The following IPPK variants were observed in gnomAD, a reference collection of about 807,000 sequenced individuals.
IPPK encodes IPK1 homolog.
A neutral mutation model predicts 64.6 loss-of-function variants in IPPK; 22 were observed. The observed-to-expected ratio is 0.34, with a 90% CI of 0.24 to 0.49. The LOEUF is 0.49. IPPK is among the 20% of genes least tolerant of loss of function. The probability of loss-of-function intolerance (pLI) is 0.99; values close to 1 mark genes in which losing one functional copy is unlikely to be tolerated. For synonymous variants in IPPK, 262 were observed against 247.2 expected, an observed-to-expected ratio of 1.06 and a Z score of -0.56; for missense variants, 532 against 630.7, an observed-to-expected ratio of 0.84 and a Z score of 1.68.
Position 92,635,019 on chromosome 9 carries a change from G to A in IPPK, c.1067+139C>T, listed in dbSNP as rs1851912595. On this transcript the variant is annotated intron_variant, in intron 10 of 12. Coordinates refer to ENST00000287996, the MANE Select transcript of IPPK (RefSeq NM_022755.6). This position sits in a 1 kb window ranked among gnomAD's most constrained non-coding sequence, Gnocchi z 4.4. ...ATTCCAGAGCAGGCCTGGGCACCTGGGAGCGGAGGACTGGGGTAGGAAGTG... is the reference window on the plus strand; with the variant it reads ...ATTCCAGAGCAGGCCTGGGCACCTGAGAGCGGAGGACTGGGGTAGGAAGTG... 1.4e-6 allele frequency: 1 copy of A among 740,454 alleles called. No individual in the cohort carries two copies. The highest frequency in any genetic ancestry group is 2.2e-6 in the Non-Finnish European group (1 of 461,830). 45.9% of individuals were successfully genotyped at this position (740,454 alleles called of 1,614,324 possible).
intron 6 of IPPK, among the ~76,000 whole-genome samples, chr9:92,643,720 A>G (rs1852096268): frequency 6.6e-6 from 1 of 152,260 alleles, no homozygotes; most frequent in South Asian, 2.1e-4. Flanking sequence ...CAAAGTACAT[A>G]TGGCATGATC....
At chr9:92,658,312 C>T (rs376638778) in intron 2 of IPPK, among the ~76,000 whole-genome samples, 24 of 152,326 alleles carry the variant, frequency 1.6e-4, no homozygotes, top group African/African-American at 5.8e-4. Flanking sequence ...ACTGAGGCAG[C>T]AGGTGCTATG....
chr9:92,661,771 T>C (rs982305562), intron 1 of IPPK, among the ~76,000 whole-genome samples: 1 of 152,200 alleles, frequency 6.6e-6, no homozygotes, highest in Non-Finnish European at 1.5e-5. Context: ...TTTTCATCAA[T>C]ACCAAAACTC....
At chr9:92,622,181 T>C (rs1243750496) in intron 11 of IPPK, among the ~76,000 whole-genome samples, 1 of 152,194 alleles carries the variant, frequency 6.6e-6, no homozygotes, top group Non-Finnish European at 1.5e-5. Context: ...AACAAACTTC[T>C]TTAATCTGAT....
chr9:92,643,886 T>A (rs748040305), intron 6 of IPPK, among the ~76,000 whole-genome samples: 2 of 152,242 alleles, frequency 1.3e-5, no homozygotes, highest in African/African-American at 2.4e-5. Context: ...TCTGACAATA[T>A]GAGTTACCTG....
intron 9 of IPPK, among the ~76,000 whole-genome samples, chr9:92,636,019 G>A (rs1251170711): frequency 2.0e-5 from 3 of 152,112 alleles, no homozygotes; most frequent in African/African-American, 7.2e-5. Flanking sequence ...AGGGACAGAG[G>A]CAGAAACAAA....
In IPPK at chr9:92,619,474, T is replaced by C; in HGVS notation, c.1250+12A>G. ...TAGACCCAGGCTGCATGCCTTGCAG[T>C]GGGGGCCTCACCTGGCATCCTGCAG... is the stretch of plus-strand genomic sequence containing the variant. On this transcript the variant is annotated intron_variant, in intron 12 of 12. Coordinates refer to ENST00000287996, the MANE Select transcript of IPPK (RefSeq NM_022755.6). 6.3e-7 allele frequency: 1 copy of C among 1,576,034 alleles called. No homozygotes were observed. The highest frequency in any genetic ancestry group is 8.6e-7 in the Non-Finnish European group (1 of 1,159,922).
chr9:92,618,334 C>A (rs1174219721), intron 12 of IPPK: 1 of 456,778 alleles, frequency 2.2e-6, no homozygotes. Context: ...TGCTGAGCAG[C>A]TGGTCGTAAG....
intron 11 of IPPK, among the ~76,000 whole-genome samples, chr9:92,632,626 G>A (rs538924311): frequency 1.3e-5 from 2 of 152,328 alleles, no homozygotes; most frequent in East Asian, 3.9e-4. Flanking sequence ...CAGACAGCAC[G>A]AGGCAGGTGC....
At chr9:92,620,664 A>G (rs1851601769) in intron 11 of IPPK, 1 of 152,266 alleles carries the variant, frequency 6.6e-6, no homozygotes, top group African/African-American at 2.4e-5. Context: ...TCCAAGCTGC[A>G]CTTTCCAAAG....
chr9:92,619,364 G>A (rs1425704395), intron 12 of IPPK, 122 bp downstream of exon 12: 4 of 767,202 alleles, frequency 5.2e-6, no homozygotes, highest in South Asian at 4.8e-5. Flanking sequence ...GGCCAAGGAA[G>A]TTATGTCACT....
At chr9:92,618,176 C>T (rs1461815268) in intron 12 of IPPK, 1 of 454,112 alleles carries the variant, frequency 2.2e-6, no homozygotes, top group East Asian at 7.0e-5. Context: ...GAGGAGAAGC[C>T]TTCTCTGAGA....
At chr9:92,646,784 C>A (rs1304093091) in intron 6 of IPPK, among the ~76,000 whole-genome samples, 1 of 152,046 alleles carries the variant, frequency 6.6e-6, no homozygotes, top group African/African-American at 2.4e-5. Flanking sequence ...GGTGAAACCC[C>A]GTCTCTACTA....
At chr9:92,645,081 T>C (rs1258504306) in intron 6 of IPPK, among the ~76,000 whole-genome samples, 3 of 152,070 alleles carry the variant, frequency 2.0e-5, no homozygotes, top group East Asian at 3.9e-4. Flanking sequence ...GAGGTAGAAA[T>C]TATAAAAAGG....
At chr9:92,640,063 C>T (rs1852016316) in intron 8 of IPPK, among the ~76,000 whole-genome samples, 1 of 152,234 alleles carries the variant, frequency 6.6e-6, no homozygotes, top group Non-Finnish European at 1.5e-5. Context: ...CTGAAGTATC[C>T]ACCTGCGATG....
intron 1 of IPPK, among the ~76,000 whole-genome samples, chr9:92,663,362 G>A (rs1267581929): frequency 2.0e-5 from 3 of 152,230 alleles, no homozygotes; most frequent in Non-Finnish European, 4.4e-5. Flanking sequence ...GCCTGGGCAT[G>A]GGGCAGGCTC....
chr9:92,616,630 T>TTTATC (rs974392640), intron 12 of IPPK: 2 of 152,850 alleles, frequency 1.3e-5, no homozygotes, highest in Non-Finnish European at 2.9e-5. Context: ...ATTCTCAAAT[T>TTTATC]TTATCTTCAG....
intron 4 of IPPK, among the ~76,000 whole-genome samples, chr9:92,650,997 G>A (rs1274091799): frequency 1.3e-5 from 2 of 152,020 alleles, no homozygotes; most frequent in African/African-American, 2.4e-5. Flanking sequence ...AACCTCCCAC[G>A]GTTGTTATGA....
rs144458816 is a variant in IPPK at position 92,638,239 on chromosome 9, G to A, written c.678C>T (p.Pro226=). 15 of 1,614,148 alleles carry A rather than the reference G, an allele frequency of 9.3e-6. No individual in the cohort carries two copies. The highest frequency in any genetic ancestry group is 8.9e-5 in the East Asian group (4 of 44,882). ...LIYGCKDARS[P]VADWSELAHH... ...GTGCAAGCTCGCTCCAGTCAGCCAC[G>A]GGGCTCCGGGCATCTTTGCAGCCGT... The change falls in exon 9 of 13, where the codon CCC becomes CCT. Residue 226 remains proline, a synonymous_variant. Transcript: ENST00000287996.
Sources: allele counts gnomAD v4.1 joint callset (sites outside exome capture counted in the v4.1 genomes callset), GRCh38; gene constraint gnomAD v4.1.1; non-coding constraint Gnocchi (gnomAD v3.1); transcripts MANE v1.5; gene names NCBI Gene and HGNC (gene_info 2026-07-23, HGNC 2026-07-21).